Variants in RNFT2 observed in about 807,000 individuals in gnomAD.
The protein encoded by RNFT2 is ring finger protein, transmembrane 2.
In RNFT2, 36 loss-of-function variants were observed where a neutral mutation model predicts 53.0. The observed-to-expected ratio is 0.68, with a 90% CI of 0.52 to 0.90. The LOEUF is 0.90. Among genes scored for constraint, RNFT2 ranks in the 40% least tolerant of loss-of-function variants. RNFT2 has a pLI of 0.00. For synonymous variants in RNFT2, 260 were observed against 253.2 expected (o/e 1.03, Z -0.26); for missense variants, 514 against 585.6 (o/e 0.88, Z 1.26).
chr12:116,771,323 G>A (rs1175439311), intron 6 of RNFT2, among the ~76,000 whole-genome samples: 1 of 151,624 alleles, frequency 6.6e-6, no homozygotes, highest in African/African-American at 2.4e-5. Context: ...AGCCGGGCAT[G>A]GTGGCGTGCA....
intron 7 of RNFT2, 94 bp from the exon 8 acceptor site, chr12:116,833,698 A>G: frequency 7.8e-7 from 1 of 1,284,846 alleles, no homozygotes. Flanking sequence ...CCTGTGACCT[A>G]GAATGTCATC....
chr12:116,776,333 G>A (rs1167287536), intron 6 of RNFT2, among the ~76,000 whole-genome samples: 1 of 152,094 alleles, frequency 6.6e-6, no homozygotes, highest in Non-Finnish European at 1.5e-5. Flanking sequence ...AAAATGGAAA[G>A]GATAAGTCAG....
intron 7 of RNFT2, among the ~76,000 whole-genome samples, chr12:116,822,756 CT>C (rs1393235107): frequency 1.3e-5 from 2 of 152,144 alleles, no homozygotes; most frequent in African/African-American, 2.4e-5. Context: ...AATCCCAGCA[CT>C]TTGGGAGGCT....
intron 3 of RNFT2, among the ~76,000 whole-genome samples, chr12:116,743,943 T>C (rs1453526368): frequency 1.3e-5 from 2 of 152,088 alleles, no homozygotes; most frequent in Admixed American, 6.6e-5. Context: ...GAGTTGCTTA[T>C]GGGCCAGGCA....
intron 3 of RNFT2, among the ~76,000 whole-genome samples, chr12:116,747,170 C>T (rs1363414200): frequency 1.3e-5 from 2 of 152,192 alleles, no homozygotes; most frequent in Non-Finnish European, 2.9e-5. Context: ...CATCCTCCCA[C>T]CTCAGCCTCC....
chr12:116,740,408 G>T lies in RNFT2; in HGVS notation c.-90G>T. 7.7e-7 allele frequency: 1 copy of T among 1,305,576 alleles called. No homozygotes were observed. The allele number at this position is 1,305,576 out of a possible 1,614,324, so 80.9% of individuals were successfully genotyped here. A position where few individuals can be genotyped will look rare whatever the true frequency, so the allele number is the denominator to read the frequency against. ...CTCTGGAGACGAAGAGGAGGGGGAGGCCTGTCCTCTCTGGGATCCATTGGT... is the reference window on the plus strand; with the variant it reads ...CTCTGGAGACGAAGAGGAGGGGGAGTCCTGTCCTCTCTGGGATCCATTGGT... On this transcript the variant is annotated 5_prime_UTR_variant, in exon 2 of 11. Transcript: ENST00000257575.
intron 6 of RNFT2, among the ~76,000 whole-genome samples, chr12:116,767,567 T>G (rs116385338): frequency 0.016 from 2,382 of 150,476 alleles, 77 homozygotes; most frequent in African/African-American, 0.056. Context: ...AAAAATTATG[T>G]TTTTTTTTTG....
rs147614092 is a variant in RNFT2, at chr12:116,778,798, C to T, written c.729-397C>T. 6.3e-3 allele frequency among the ~76,000 whole-genome samples: 965 copies of T among 152,242 alleles called. 13 individuals are homozygous for T. The highest frequency in any genetic ancestry group is 0.022 in the African/African-American group (913 of 41,540). ...CCGGGAGGTGGAGGTTGCAGTGAGC[C>T]GAGATCATGCCACTGCACTCCAGCC... On this transcript the variant is annotated intron_variant, in intron 6 of 10. Transcript: ENST00000257575.
rs58984530 is a variant in RNFT2, at chr12:116,851,645, C to T, written c.*2197C>T. The stretch of plus-strand genomic sequence containing the variant: ...ATCCCAGCTACTCAGGAGGCTAAGG[C>T]AGGGAGAACTGCTTGAACTCGGGAG... On this transcript the variant is annotated 3_prime_UTR_variant, in exon 11 of 11. Coordinates refer to ENST00000257575, the MANE Select transcript of RNFT2 (RefSeq NM_001382266.1). 9.4e-3 allele frequency: 5,860 copies of T among 623,078 alleles called. 253 individuals are homozygous for T. In the African/African-American group the frequency reaches 0.094, roughly 10 times the overall value. 38.6% of individuals were successfully genotyped at this position (623,078 alleles called of 1,614,324 possible).
intron 1 of RNFT2, among the ~76,000 whole-genome samples, chr12:116,739,166 C>A (rs1871471826): frequency 6.6e-6 from 1 of 152,106 alleles, no homozygotes; most frequent in Admixed American, 6.6e-5. Context: ...GATATAGACA[C>A]CCTATATCCA....
chr12:116,829,102 G>A (rs573758532), intron 7 of RNFT2, among the ~76,000 whole-genome samples: 2 of 152,262 alleles, frequency 1.3e-5, no homozygotes, highest in South Asian at 4.2e-4. Flanking sequence ...GAGACCATGG[G>A]TGAGAGCAAT....
rs568716483 is a variant in RNFT2 at position 116,779,619 on chromosome 12, A to G, written c.882+271A>G. ...CACAGCTACCCTTGATGCAATTTTC[A>G]TCCACATTTCACCTGAGAGAGGAAA... On this transcript the variant is annotated intron_variant, in intron 7 of 10. Transcript: ENST00000257575. Among the ~76,000 whole-genome samples, 20 of 152,192 alleles carry G rather than the reference A, an allele frequency of 1.3e-4. No individual in the cohort carries two copies. The South Asian group carries it at 4.2e-3, about 32-fold the overall frequency.
chr12:116,846,418 A>T (rs112573456), intron 10 of RNFT2, among the ~76,000 whole-genome samples: 24 of 127,800 alleles, frequency 1.9e-4, no homozygotes, highest in African/African-American at 6.6e-4. Flanking sequence ...GGGACGGCAC[A>T]TGCCACCATG....
chr12:116,764,007 A>G (rs1335366562), intron 5 of RNFT2, among the ~76,000 whole-genome samples: 1 of 152,214 alleles, frequency 6.6e-6, no homozygotes, highest in Non-Finnish European at 1.5e-5. Context: ...ATATGATGGA[A>G]TTCTACTCAG....
intron 7 of RNFT2, among the ~76,000 whole-genome samples, chr12:116,789,788 AAGG>A (rs1874139164): frequency 7.6e-6 from 1 of 130,836 alleles, no homozygotes; most frequent in Non-Finnish European, 1.6e-5. Context: ...GGGTAAATGG[AAGG>A]AGAGTGGATG....
chr12:116,780,832 G>C (rs1873665245), intron 7 of RNFT2, among the ~76,000 whole-genome samples: 1 of 152,116 alleles, frequency 6.6e-6, no homozygotes, highest in Non-Finnish European at 1.5e-5. Flanking sequence ...CCACGCACTT[G>C]ACACTGGAAA....
chr12:116,819,995 T>C (rs555324166), intron 7 of RNFT2, among the ~76,000 whole-genome samples: 44 of 152,396 alleles, frequency 2.9e-4, no homozygotes, highest in Admixed American at 9.8e-4. Context: ...TTTCAACATG[T>C]AATCAACATA....
rs1873860512 is a variant in RNFT2, at chr12:116,784,828, G to T, written c.882+5480G>T. Among the ~76,000 whole-genome samples, 2 of 152,096 alleles carry T rather than the reference G, an allele frequency of 1.3e-5. 1 individual carries two copies. The highest frequency in any genetic ancestry group is 4.1e-4 in the South Asian group (2 of 4,830). On this transcript the variant is annotated intron_variant, in intron 7 of 10. Transcript: ENST00000257575. ...TGCTCGCCACCATGAGACCAAAGTAGTCTCCCTCTGTGTGTCCACTCCAAC... is the reference window on the plus strand; with the variant it reads ...TGCTCGCCACCATGAGACCAAAGTATTCTCCCTCTGTGTGTCCACTCCAAC...
At chr12:116,844,619 A>G (rs1877513695) in intron 10 of RNFT2, among the ~76,000 whole-genome samples, 2 of 152,256 alleles carry the variant, frequency 1.3e-5, no homozygotes, top group African/African-American at 4.8e-5. Flanking sequence ...TTTAAACCAC[A>G]TAGACAAAAG....
Sources: allele counts gnomAD v4.1 joint callset (sites outside exome capture counted in the v4.1 genomes callset), GRCh38; gene constraint gnomAD v4.1.1; transcripts MANE v1.5; gene names NCBI Gene and HGNC (gene_info 2026-07-23, HGNC 2026-07-21).